The following TMX2 variants were observed in gnomAD, a reference collection of about 807,000 sequenced individuals.
TMX2 encodes the protein thioredoxin related transmembrane protein 2, also known as thioredoxin-related transmembrane protein 2.
TMX2 carries 20 observed loss-of-function variants against 33.4 expected under a neutral mutation model. The ratio of observed to expected loss-of-function variants is 0.60; its 90% CI spans 0.42 to 0.87. TMX2 has a LOEUF of 0.87. Ranked by LOEUF, TMX2 falls within the 40% of genes least tolerant of loss-of-function variation. The pLI is 0.00. For missense variants in TMX2, 340 were observed against 370.7 expected (o/e 0.92, Z 0.68); for synonymous variants, 166 against 140.7 (o/e 1.18, Z -1.27).
intron 1 of TMX2, among the ~76,000 whole-genome samples, chr11:57,730,426 TAAAAAAA>T (rs61228178): frequency 1.3e-4 from 3 of 23,570 alleles, no homozygotes; most frequent in Non-Finnish European, 1.5e-4. Context: ...AAACTGTCTT[TAAAAAAA>T]AAAAAAAAAA....
chr11:57,721,131 G>A lies in TMX2; in HGVS notation c.189+8324G>A, dbSNP rs1042689809. On this transcript the variant is annotated intron_variant, in intron 1 of 7. Transcript: ENST00000278422. ...AGCCTGGGCAATACAGTGAAACCCC[G>A]TCTCTACTAACATACAAAATATTAG... Among the ~76,000 whole-genome samples, 21 of 151,248 alleles carry A rather than the reference G, an allele frequency of 1.4e-4. 1 individual carries two copies. The South Asian group carries it at 2.5e-3, about 18-fold the overall frequency.
At chr11:57,737,342 C>G (rs1186524769) in intron 1 of TMX2, among the ~76,000 whole-genome samples, 1 of 152,178 alleles carries the variant, frequency 6.6e-6, no homozygotes, top group African/African-American at 2.4e-5. Flanking sequence ...GAGCCGAGAT[C>G]GCGCCATTGC....
chr11:57,721,303 A>G (rs1245250178), intron 1 of TMX2, among the ~76,000 whole-genome samples: 4 of 151,490 alleles, frequency 2.6e-5, no homozygotes, highest in South Asian at 4.2e-4. Flanking sequence ...TCCATCTCCA[A>G]TCAATCAATC....
rs756199795 is a variant in TMX2 at position 57,740,112 on chromosome 11, G to A, written c.758G>A (p.Arg253Gln). The part of the protein sequence containing the change: ...SWTFSEENVI[R>Q]EFNLNELYQR... ...TCTTTTGTGCAGGAGAATGTGATCC[G>A]AGAATTTAACTTAAATGAGCTATAC... The change falls in exon 8 of 8, where the codon CGA becomes CAA. Residue 253 changes from arginine to glutamine, a missense_variant. Transcript: ENST00000278422. 14 of 1,613,802 alleles carry A rather than the reference G, an allele frequency of 8.7e-6. No individual in the cohort carries two copies. The highest frequency in any genetic ancestry group is 1.6e-4 in the Middle Eastern group (1 of 6,076).
At chr11:57,735,583 C>T (rs1948698386) in intron 1 of TMX2, among the ~76,000 whole-genome samples, 1 of 152,174 alleles carries the variant, frequency 6.6e-6, no homozygotes, top group South Asian at 2.1e-4. Context: ...ATAGCCTCCG[C>T]TCAGAAGCTA....
chr11:57,731,833 C>G (rs999888672), intron 1 of TMX2, among the ~76,000 whole-genome samples: 1 of 152,158 alleles, frequency 6.6e-6, no homozygotes, highest in Admixed American at 6.5e-5. Context: ...AACTCACCCA[C>G]CAGTCTGGAG....
At chr11:57,733,244 G>T (rs1163228096) in intron 1 of TMX2, among the ~76,000 whole-genome samples, 1 of 144,818 alleles carries the variant, frequency 6.9e-6, no homozygotes, top group African/African-American at 2.6e-5. Context: ...GACACAGTGA[G>T]GAATTTTTTT....
intron 3 of TMX2, 111 bp downstream of exon 3, chr11:57,738,137 C>A (rs781643726): frequency 2.8e-5 from 24 of 868,228 alleles, no homozygotes; most frequent in Non-Finnish European, 4.2e-5. Context: ...TTTCTCCATA[C>A]CCTTCTTCCA....
At chr11:57,737,747 G>A (rs775636477) in intron 2 of TMX2, 79 bp downstream of exon 2, 6 of 1,564,766 alleles carry the variant, frequency 3.8e-6, no homozygotes, top group Middle Eastern at 1.7e-4. Flanking sequence ...TAAGAGAGTG[G>A]CAATCATTTG....
At chr11:57,715,694 A>G (rs984783849) in intron 1 of TMX2, among the ~76,000 whole-genome samples, 30 of 151,332 alleles carry the variant, frequency 2.0e-4, no homozygotes, top group Non-Finnish European at 4.3e-4. Flanking sequence ...CAAGTGAACA[A>G]AGGTCTCTGG....
intron 1 of TMX2, among the ~76,000 whole-genome samples, chr11:57,725,413 G>A (rs1947912094): frequency 6.6e-6 from 1 of 152,132 alleles, no homozygotes; most frequent in Non-Finnish European, 1.5e-5. Flanking sequence ...GGCACATGAG[G>A]TTATAAGGGC....
chr11:57,739,223 A>G lies in TMX2; in HGVS notation c.707A>G (p.Asp236Gly). Residue 236 changes from aspartate (D) to glycine (G), a missense_variant, in exon 7 of 8, where the codon GAC (aspartate) becomes GGC (glycine). Around this residue, in one of 3 missense-constraint regions of TMX2, gnomAD observed 209 missense variants for 241.6 expected, o/e 0.87. Transcript: ENST00000278422. Reference protein sequence around the residue: ...GKEAMRRPQIDKKGRAVSWTF... With the variant: ...GKEAMRRPQIGKKGRAVSWTF... ...GAGGCAATGCGGCGGCCACAGATTGACAAGAAAGGACGGGCTGTCTCATGG... is the reference window on the plus strand; with the variant it reads ...GAGGCAATGCGGCGGCCACAGATTGGCAAGAAAGGACGGGCTGTCTCATGG... The G allele has an allele frequency of 1.2e-6, 2 of 1,614,100 alleles. No individual in the cohort carries two copies. Among genetic ancestry groups the G allele is most frequent in the Non-Finnish European group, 1.7e-6 (2 of 1,180,016 alleles).
intron 1 of TMX2, among the ~76,000 whole-genome samples, chr11:57,724,893 C>T (rs1162065178): frequency 2.0e-5 from 3 of 151,850 alleles, no homozygotes; most frequent in African/African-American, 7.3e-5. Context: ...CAAAAATTAG[C>T]TGGGTGCGGT....
intron 1 of TMX2, among the ~76,000 whole-genome samples, chr11:57,715,593 T>TTTTTTTTTTTC (rs1590896795): frequency 6.8e-6 from 1 of 147,238 alleles, no homozygotes; most frequent in East Asian, 2.0e-4. Context: ...TTTCTTTTTT[T>TTTTTTTTTTTC]TTTCTTTTAT....
At chr11:57,735,534 A>G (rs1948693370) in intron 1 of TMX2, among the ~76,000 whole-genome samples, 1 of 152,146 alleles carries the variant, frequency 6.6e-6, no homozygotes, top group Non-Finnish European at 1.5e-5. Flanking sequence ...TTCTCATAAA[A>G]AGTTGCAACC....
intron 7 of TMX2, 106 bp from the exon 8 acceptor site, chr11:57,739,993 G>T: frequency 1.3e-6 from 2 of 1,525,626 alleles, no homozygotes; most frequent in South Asian, 2.4e-5. Context: ...TTTGTCCTTT[G>T]CTTACTCCTT....
In TMX2 at chr11:57,728,940, G is replaced by A. The variant is rs540011338; in HGVS notation, c.190-8668G>A. 5.9e-5 allele frequency among the ~76,000 whole-genome samples: 9 copies of A among 152,124 alleles called. No homozygotes were observed. The South Asian group carries it at 6.2e-4, about 11-fold the overall frequency. On this transcript the variant is annotated intron_variant, in intron 1 of 7. Coordinates refer to ENST00000278422, the MANE Select transcript of TMX2 (RefSeq NM_015959.4). ...GCTCATCCAGGAAACACACATGAGGGCTGATCACCCAGCGTTTTGAGCCCT... is the reference window on the plus strand; with the variant it reads ...GCTCATCCAGGAAACACACATGAGGACTGATCACCCAGCGTTTTGAGCCCT...
In TMX2 at chr11:57,740,213, G is replaced by T; in HGVS notation, c.859G>T (p.Val287Leu). 2 of 1,609,432 alleles carry T rather than the reference G, an allele frequency of 1.2e-6. No homozygotes were observed. The highest frequency in any genetic ancestry group is 1.7e-6 in the Non-Finnish European group (2 of 1,178,642). The change falls in exon 8 of 8, where the codon GTG becomes TTG. Residue 287 changes from valine (V) to leucine (L), a missense_variant. Physicochemically the swap from Val to Leu is conservative, Grantham distance 32. Around this residue, in one of 3 missense-constraint regions of TMX2, gnomAD observed 209 missense variants for 241.6 expected, o/e 0.87. Transcript: ENST00000278422. The stretch of plus-strand genomic sequence containing the variant: ...GCCTGTGGCTTCAACCCCCACCACA[G>T]TGTCAGATGGGGAAAACAAGAAGGA... ...EQPVASTPTT[V>L]SDGENKKDK
intron 1 of TMX2, among the ~76,000 whole-genome samples, chr11:57,737,256 C>T (rs1012329046): frequency 6.6e-6 from 1 of 152,112 alleles, no homozygotes; most frequent in Non-Finnish European, 1.5e-5. Context: ...CCTGTCTCTA[C>T]TAAAAATAAA....
Sources: gnomAD v4.1 joint callset for allele counts (sites outside exome capture counted in the v4.1 genomes callset) on GRCh38, gnomAD v4.1.1 for gene constraint, gnomAD v4.1.1 regional missense constraint, MANE v1.5 for transcripts, NCBI Gene and HGNC (gene_info 2026-07-23, HGNC 2026-07-21) for gene names.